KIAA0232: variants seen among roughly 807,000 people sequenced by gnomAD.
KIAA0232 encodes the protein uncharacterized protein KIAA0232.
Under a neutral mutation model 122.0 loss-of-function variants are expected in KIAA0232, and 27 were observed. The observed-to-expected ratio is 0.22, with a 90% CI of 0.16 to 0.31. The LOEUF (loss-of-function observed/expected upper bound fraction) is 0.31. Ranked by LOEUF, KIAA0232 falls within the 10% of genes least tolerant of loss-of-function variation. The pLI is 1.00. For missense variants in KIAA0232, 1,551 were observed against 1,634.2 expected, an observed-to-expected ratio of 0.95 and a Z score of 0.88; for synonymous variants, 613 against 587.6, an observed-to-expected ratio of 1.04 and a Z score of -0.63.
intron 1 of KIAA0232, among the ~76,000 whole-genome samples, chr4:6,784,437 G>C (rs146946176): frequency 2.0e-4 from 30 of 152,128 alleles, no homozygotes; most frequent in African/African-American, 7.0e-4. Flanking sequence ...GGTGAGGGCG[G>C]GGGGGGAGGA....
intron 3 of KIAA0232, among the ~76,000 whole-genome samples, 160 bp from the exon 4 acceptor site, chr4:6,841,907 T>G (rs531493438): frequency 2.6e-5 from 4 of 152,346 alleles, no homozygotes; most frequent in Admixed American, 2.6e-4. Flanking sequence ...ATAATCCGTC[T>G]TGGAATGCCA....
chr4:6,836,957 C>A (rs1169387268), intron 3 of KIAA0232, among the ~76,000 whole-genome samples: 1 of 152,216 alleles, frequency 6.6e-6, no homozygotes, highest in Non-Finnish European at 1.5e-5. Context: ...TCCACACAGA[C>A]ACGGTAACAA....
intron 2 of KIAA0232, among the ~76,000 whole-genome samples, chr4:6,805,416 G>T (rs1717572274): frequency 6.6e-6 from 1 of 152,114 alleles, no homozygotes; most frequent in Non-Finnish European, 1.5e-5. Context: ...TTAGATTATT[G>T]ACTGATATAA....
intron 7 of KIAA0232, among the ~76,000 whole-genome samples, chr4:6,867,026 TAAC>T (rs1721222722): frequency 6.6e-6 from 1 of 152,254 alleles, no homozygotes; most frequent in South Asian, 2.1e-4. Context: ...TTGCGCGTAT[TAAC>T]AAGTAAATGT....
chr4:6,834,899 T>C (rs1719181838), intron 3 of KIAA0232, among the ~76,000 whole-genome samples: 1 of 152,176 alleles, frequency 6.6e-6, no homozygotes, highest in Non-Finnish European at 1.5e-5. Flanking sequence ...ATACTTTTAT[T>C]TGTGGTAAGA....
intron 4 of KIAA0232, among the ~76,000 whole-genome samples, chr4:6,848,888 AGTT>A (rs1296125473): frequency 6.6e-6 from 1 of 152,200 alleles, no homozygotes; most frequent in Non-Finnish European, 1.5e-5. Context: ...GAGTGCTCAC[AGTT>A]GTTGTGTGAT....
At chr4:6,840,721 C>CTT (rs34081561) in intron 3 of KIAA0232, among the ~76,000 whole-genome samples, 5 of 139,504 alleles carry the variant, frequency 3.6e-5, no homozygotes, top group Non-Finnish European at 1.6e-5. Context: ...TATAAGCAGA[C>CTT]TTTTTTTTTT....
At chr4:6,783,685 G>C (rs1329140147) in intron 1 of KIAA0232, among the ~76,000 whole-genome samples, 1 of 150,540 alleles carries the variant, frequency 6.6e-6, no homozygotes, top group Non-Finnish European at 1.5e-5. Context: ...CTATGGCGCG[G>C]GGCGCGGCGC....
At chr4:6,819,326 A>G (rs369747380) in intron 2 of KIAA0232, among the ~76,000 whole-genome samples, 16 of 152,292 alleles carry the variant, frequency 1.1e-4, no homozygotes, top group African/African-American at 3.6e-4. Context: ...CAGACCACCT[A>G]CAGAATAGGA....
intron 2 of KIAA0232, among the ~76,000 whole-genome samples, chr4:6,815,365 G>A (rs1351126264): frequency 2.0e-5 from 3 of 152,182 alleles, no homozygotes; most frequent in Non-Finnish European, 2.9e-5. Flanking sequence ...ATACCTAGGA[G>A]TCTCCTTTCA....
In KIAA0232 at chr4:6,882,703, A is replaced by G. The variant is rs1299320657; in HGVS notation, c.*1737A>G. ...TTATGTTGCTGTTATTTATTTACGA[A>G]CTTCAGATACGTTTTTATGTATTTT... On this transcript the variant is annotated 3_prime_UTR_variant, in exon 10 of 10. Coordinates refer to ENST00000307659, the MANE Select transcript of KIAA0232 (RefSeq NM_014743.3). 2 of 152,612 alleles carry G rather than the reference A, an allele frequency of 1.3e-5. No individual in the cohort carries two copies. Among genetic ancestry groups the G allele is most frequent in the Admixed American group, 6.5e-5 (1 of 15,278 alleles). The allele number at this position is 152,612 out of a possible 1,614,324, so 9.5% of individuals were successfully genotyped here. A position where few individuals can be genotyped will look rare whatever the true frequency, so the allele number is the denominator to read the frequency against.
chr4:6,868,114 C>T (rs1472472956), intron 7 of KIAA0232, among the ~76,000 whole-genome samples: 1 of 152,206 alleles, frequency 6.6e-6, no homozygotes. Context: ...TCTCTTTACC[C>T]AAACTAGGAG....
intron 4 of KIAA0232, among the ~76,000 whole-genome samples, chr4:6,856,686 A>AG (rs543111842): frequency 6.6e-6 from 1 of 150,976 alleles, no homozygotes; most frequent in South Asian, 2.1e-4. Flanking sequence ...TTAAAACAGA[A>AG]AAAAAAAAAA....
chr4:6,847,397 G>A (rs1159824814), intron 4 of KIAA0232, among the ~76,000 whole-genome samples: 3 of 152,146 alleles, frequency 2.0e-5, no homozygotes, highest in Admixed American at 1.3e-4. Flanking sequence ...ACTTCTCTTG[G>A]CCTGCTCAGC....
chr4:6,790,054 G>T (rs1716821171), intron 1 of KIAA0232, among the ~76,000 whole-genome samples: 1 of 152,074 alleles, frequency 6.6e-6, no homozygotes, highest in South Asian at 2.1e-4. Flanking sequence ...GTGGAAAATA[G>T]AAATTGTCAA....
At chr4:6,786,522 G>T (rs560887000) in intron 1 of KIAA0232, among the ~76,000 whole-genome samples, 1 of 152,042 alleles carries the variant, frequency 6.6e-6, no homozygotes, top group Non-Finnish European at 1.5e-5. Flanking sequence ...TGCCCAGGCT[G>T]ATCTCGAACT....
In KIAA0232 at chr4:6,863,102, A is replaced by G. The variant is rs1194349967; in HGVS notation, c.2720A>G (p.Asp907Gly). 1.2e-6 allele frequency: 2 copies of G among 1,614,262 alleles called. No individual in the cohort carries two copies. Among genetic ancestry groups the G allele is most frequent in the Middle Eastern group, 1.6e-4 (1 of 6,062 alleles). The change falls in exon 7 of 10, where the codon GAT becomes GGT. Residue 907 changes from aspartate (D) to glycine (G), a missense_variant. Around this residue, in one of 5 missense-constraint regions of KIAA0232, gnomAD observed 1,108 missense variants for 1,154.8 expected, o/e 0.96. Coordinates refer to ENST00000307659, the MANE Select transcript of KIAA0232 (RefSeq NM_014743.3). ...GCTTCTAGTGAGCTATCAAACGTGGATGGTGGTGATTATACAACACCCTCT... is the reference window on the plus strand; with the variant it reads ...GCTTCTAGTGAGCTATCAAACGTGGGTGGTGGTGATTATACAACACCCTCT... ...AFASSELSNV[D>G]GGDYTTPSKP...
chr4:6,871,823 G>C, intron 8 of KIAA0232, 141 bp downstream of exon 8: 1 of 609,122 alleles, frequency 1.6e-6, no homozygotes. Context: ...ATGCACTGGG[G>C]ACACAGGGAG....
Position 6,862,775 on chromosome 4 carries a change from A to G in KIAA0232, c.2393A>G (p.Gln798Arg). ...TCCGTCTGTGGTATTCAGCTAGAAC[A>G]AAAAACAGAAAACAAAAATTTTGAA... Reference protein sequence around the residue: ...LESVCGIQLEQKTENKNFETT... With the variant: ...LESVCGIQLERKTENKNFETT... The change falls in exon 7 of 10, where the codon CAA (glutamine) becomes CGA (arginine). Residue 798 changes from glutamine to arginine, a missense_variant. Transcript: ENST00000307659. The G allele has an allele frequency of 3.7e-6, 6 of 1,614,034 alleles. No individual in the cohort carries two copies. The highest frequency in any genetic ancestry group is 5.1e-6 in the Non-Finnish European group (6 of 1,180,010).
Sources: gnomAD v4.1 joint callset for allele counts (sites outside exome capture counted in the v4.1 genomes callset) on GRCh38, gnomAD v4.1.1 for gene constraint, gnomAD v4.1.1 regional missense constraint, MANE v1.5 for transcripts, NCBI Gene and HGNC (gene_info 2026-07-23, HGNC 2026-07-21) for gene names.